ANOS1: variants seen among roughly 807,000 people sequenced by gnomAD.
ANOS1 encodes the protein anosmin-1.
In ANOS1, 6 loss-of-function variants were observed where a neutral mutation model predicts 59.0. The ratio of observed to expected loss-of-function variants is 0.10; its 90% CI spans 0.06 to 0.20. The LOEUF (loss-of-function observed/expected upper bound fraction) is 0.20. Ranked by LOEUF, ANOS1 falls within the 10% of genes least tolerant of loss-of-function variation. The pLI is 1.00. For missense variants in ANOS1, 433 were observed against 542.3 expected, an observed-to-expected ratio of 0.80 and a Z score of 2.00; for synonymous variants, 217 against 223.4, an observed-to-expected ratio of 0.97 and a Z score of 0.25.
chrX:8,583,606 T>C (rs1930461507), intron 6 of ANOS1, among the ~76,000 whole-genome samples: 1 of 111,778 alleles, frequency 8.9e-6, no homozygotes, highest in East Asian at 2.8e-4. Context: ...CTAGGACTCA[T>C]CTTCACTGAA....
At chrX:8,674,657 C>T (rs1175382371) in intron 2 of ANOS1, among the ~76,000 whole-genome samples, 4 of 112,280 alleles carry the variant, frequency 3.6e-5, no homozygotes, top group African/African-American at 9.7e-5. Context: ...TGTGTTGGGC[C>T]GCATTCAAAG....
chrX:8,613,666 G>C (rs1931107415), intron 3 of ANOS1, among the ~76,000 whole-genome samples: 1 of 109,792 alleles, frequency 9.1e-6, no homozygotes, highest in Admixed American at 9.7e-5. Flanking sequence ...TTTAAAACAG[G>C]GTCTCACTCT....
chrX:8,581,335 G>A (rs1207468547), intron 6 of ANOS1, among the ~76,000 whole-genome samples: 2 of 111,184 alleles, frequency 1.8e-5, no homozygotes, highest in Admixed American at 9.6e-5. Flanking sequence ...AGAGTCTTTT[G>A]CCTCCCACCA....
chrX:8,707,770 G>T (rs1420925698), intron 1 of ANOS1, among the ~76,000 whole-genome samples: 1 of 112,079 alleles, frequency 8.9e-6, no homozygotes, highest in African/African-American at 3.2e-5. Context: ...GTAGGTGTCT[G>T]CCGGGGTGGG....
rs140127013 is a variant in ANOS1 at position 8,630,767 on chromosome X, T to C, written c.256-7097A>G. ...GTTCCAACTTGTGTTTATGAAGACT[T>C]GGGTGTTGGAACAGAAGATGGATTA... On this transcript the variant is annotated intron_variant, in intron 2 of 13. Coordinates refer to ENST00000262648, the MANE Select transcript of ANOS1 (RefSeq NM_000216.4). Among the ~76,000 whole-genome samples the C allele has an allele frequency of 7.6e-3, 854 of 112,390 alleles. 11 individuals are homozygous for C. Among genetic ancestry groups the C allele is most frequent in the African/African-American group, 0.026 (811 of 30,961 alleles).
chrX:8,690,167 CATT>C (rs1468504429), intron 2 of ANOS1, among the ~76,000 whole-genome samples: 1 of 111,914 alleles, frequency 8.9e-6, no homozygotes, highest in African/African-American at 3.2e-5. Flanking sequence ...GAAATAATAA[CATT>C]AATATCCAAA....
intron 1 of ANOS1, among the ~76,000 whole-genome samples, chrX:8,728,043 T>G (rs1469759574): frequency 8.9e-6 from 1 of 112,496 alleles, no homozygotes; most frequent in Admixed American, 9.4e-5. Flanking sequence ...AACACTTTTT[T>G]TCTTGCTAAG....
chrX:8,571,569 GCATT>G (rs1930234345), intron 6 of ANOS1, among the ~76,000 whole-genome samples: 1 of 111,961 alleles, frequency 8.9e-6, no homozygotes, highest in Admixed American at 9.5e-5. Flanking sequence ...CTTATGGATA[GCATT>G]CATTTTTGTG....
intron 3 of ANOS1, among the ~76,000 whole-genome samples, chrX:8,619,754 G>C (rs777091890): frequency 1.8e-5 from 2 of 112,121 alleles, no homozygotes; most frequent in Admixed American, 1.9e-4. Context: ...CCAATTCTAG[G>C]TATGTTGTTA....
intron 2 of ANOS1, among the ~76,000 whole-genome samples, chrX:8,691,645 A>C (rs959276937): frequency 8.9e-6 from 1 of 112,395 alleles, no homozygotes; most frequent in Non-Finnish European, 1.9e-5. Context: ...TCCACTAGAC[A>C]AAATGTATTT....
chrX:8,570,740 C>T, intron 6 of ANOS1, 36 bp from the exon 7 acceptor site: 1 of 1,116,474 alleles, frequency 9.0e-7, no homozygotes. Context: ...CATATGACTC[C>T]ACAAAACTAA....
intron 12 of ANOS1, among the ~76,000 whole-genome samples, 182 bp from the exon 13 acceptor site, chrX:8,534,642 A>T (rs1187575639): frequency 9.0e-6 from 1 of 111,712 alleles, no homozygotes; most frequent in Non-Finnish European, 1.9e-5. Flanking sequence ...GTTCTCTGCC[A>T]TATGGTTTCT....
intron 1 of ANOS1, among the ~76,000 whole-genome samples, chrX:8,727,844 C>T (rs1419601799): frequency 2.7e-5 from 3 of 112,104 alleles, no homozygotes; most frequent in Non-Finnish European, 3.8e-5. Context: ...GAATTAAGTG[C>T]TCTGATATTT....
chrX:8,730,497 G>A (rs1932962610), intron 1 of ANOS1, among the ~76,000 whole-genome samples: 1 of 112,730 alleles, frequency 8.9e-6, no homozygotes, highest in South Asian at 3.7e-4. Context: ...GATCATCCCC[G>A]AGGGTAAGGG....
intron 2 of ANOS1, among the ~76,000 whole-genome samples, chrX:8,690,979 C>G (rs1932597375): frequency 8.9e-6 from 1 of 111,752 alleles, no homozygotes. Flanking sequence ...CATGCAGGCT[C>G]CCCACAGATA....
intron 3 of ANOS1, among the ~76,000 whole-genome samples, chrX:8,618,320 A>G (rs1356928959): frequency 1.3e-4 from 14 of 111,864 alleles, no homozygotes; most frequent in Non-Finnish European, 2.3e-4. Context: ...ATCCCAAACA[A>G]CTTGTATTTT....
chrX:8,553,355 C>T (rs1231289452), intron 9 of ANOS1, among the ~76,000 whole-genome samples: 3 of 111,496 alleles, frequency 2.7e-5, no homozygotes, highest in Non-Finnish European at 5.7e-5. Context: ...GGAATAATGA[C>T]ATGTATTATG....
At chrX:8,612,836 T>C (rs1931086272) in intron 3 of ANOS1, among the ~76,000 whole-genome samples, 2 of 108,901 alleles carry the variant, frequency 1.8e-5, no homozygotes, top group South Asian at 4.1e-4. Context: ...AATAGTCTTA[T>C]GTCTACTAAA....
At chrX:8,713,873 A>G in intron 1 of ANOS1, among the ~76,000 whole-genome samples, 1 of 111,438 alleles carries the variant, frequency 9.0e-6, no homozygotes, top group Admixed American at 9.6e-5. Flanking sequence ...TCGGCCTCCC[A>G]AAGTGCTGGG....
Sources: gnomAD v4.1 joint callset for allele counts (sites outside exome capture counted in the v4.1 genomes callset) on GRCh38, gnomAD v4.1.1 for gene constraint, MANE v1.5 for transcripts, NCBI Gene and HGNC (gene_info 2026-07-23, HGNC 2026-07-21) for gene names.